The following PRDM2 variants were observed in gnomAD, a reference collection of about 807,000 sequenced individuals.
PRDM2 encodes the protein PR domain zinc finger protein 2.
A neutral mutation model predicts 130.0 loss-of-function variants in PRDM2; 30 were observed. The ratio of observed to expected loss-of-function variants is 0.23; its 90% CI spans 0.17 to 0.31. The LOEUF is 0.31. PRDM2 is among the 10% of genes least tolerant of loss of function. PRDM2 has a pLI of 1.00. For missense variants in PRDM2, 2,011 were observed against 2,108.4 expected (o/e 0.95, Z 0.90); for synonymous variants, 871 against 782.4 (o/e 1.11, Z -1.89).
At chr1:13,772,942 A>G in intron 6 of PRDM2, 136 bp from the exon 7 acceptor site, 1 of 520,408 alleles carries the variant, frequency 1.9e-6, no homozygotes, top group Non-Finnish European at 3.4e-6. Context: ...CCAAAGTGGT[A>G]ATTGCCCAGG....
intron 4 of PRDM2, among the ~76,000 whole-genome samples, chr1:13,737,041 C>T (rs1433607227): frequency 6.6e-6 from 1 of 152,200 alleles, no homozygotes; most frequent in Non-Finnish European, 1.5e-5. Context: ...GTTTTATAGT[C>T]TTCGCTATCT....
chr1:13,817,298 G>A (rs114291635), intron 9 of PRDM2, among the ~76,000 whole-genome samples: 1,779 of 152,282 alleles, frequency 0.012, 31 homozygotes, highest in South Asian at 0.07. Context: ...AAGCATTTCA[G>A]ACAAGGGATA....
intron 6 of PRDM2, among the ~76,000 whole-genome samples, chr1:13,756,907 AGG>A (rs1643969299): frequency 6.6e-6 from 1 of 152,218 alleles, no homozygotes; most frequent in Non-Finnish European, 1.5e-5. Flanking sequence ...TGATGCTCCG[AGG>A]GGTTATGTGC....
At chr1:13,722,123 T>C (rs1356031647) in intron 2 of PRDM2, among the ~76,000 whole-genome samples, 2 of 152,324 alleles carry the variant, frequency 1.3e-5, no homozygotes, top group East Asian at 1.9e-4. Flanking sequence ...ACATCCCTTC[T>C]CTGGGCTATT....
Position 13,782,757 on chromosome 1 carries a change from G to A in PRDM2, c.4962G>A (p.Gln1654=), listed in dbSNP as rs1448428505. 6.2e-7 allele frequency: 1 copy of A among 1,612,152 alleles called. No homozygotes were observed. The highest frequency in any genetic ancestry group is 1.3e-5 in the African/African-American group (1 of 74,676). ...RSGGPVTRSL[Q]LAAAADLSEN... ...GGGGGCCAGTCACCCGGAGCCTTCA[G>A]CTGGCAGCTGCTGCTGACTTGAGTG... The change falls in exon 8 of 10, where the codon CAG becomes CAA. Residue 1654 remains glutamine (Q), a synonymous_variant. Transcript: ENST00000311066.
At chr1:13,762,847 C>A (rs1366205529) in intron 6 of PRDM2, among the ~76,000 whole-genome samples, 2 of 152,122 alleles carry the variant, frequency 1.3e-5, no homozygotes, top group Admixed American at 1.3e-4. Context: ...GATGATGTGT[C>A]GGTCCGTGAG....
intron 2 of PRDM2, among the ~76,000 whole-genome samples, chr1:13,718,923 T>C (rs1642635236): frequency 6.6e-6 from 1 of 152,222 alleles, no homozygotes; most frequent in South Asian, 2.1e-4. Context: ...ATTATCTCAG[T>C]TGTCCCTAAA....
chr1:13,720,616 AAAT>A (rs1263531497), intron 2 of PRDM2, among the ~76,000 whole-genome samples: 3 of 152,172 alleles, frequency 2.0e-5, no homozygotes, highest in African/African-American at 7.2e-5. Flanking sequence ...TACTGGTTGA[AAAT>A]AATAATAATA....
chr1:13,820,315 T>A (rs918474693), intron 9 of PRDM2, among the ~76,000 whole-genome samples: 2 of 152,226 alleles, frequency 1.3e-5, no homozygotes, highest in African/African-American at 4.8e-5. Context: ...GCAGCGAGAA[T>A]GAACACAGAG....
intron 9 of PRDM2, among the ~76,000 whole-genome samples, chr1:13,818,379 C>CTTT (rs70984285): frequency 7.8e-6 from 1 of 128,056 alleles, no homozygotes; most frequent in African/African-American, 2.9e-5. Flanking sequence ...TCTCTCTTTC[C>CTTT]TTTTTTTTTT....
At chr1:13,727,443 C>CG (rs1642958660) in intron 2 of PRDM2, among the ~76,000 whole-genome samples, 1 of 152,116 alleles carries the variant, frequency 6.6e-6, no homozygotes, top group African/African-American at 2.4e-5. Context: ...TAAGTAGAGA[C>CG]GGGGTTTCAC....
Position 13,782,782 on chromosome 1 carries a change from G to A in PRDM2, c.4987G>A (p.Glu1663Lys). 2 of 1,609,224 alleles carry A rather than the reference G, an allele frequency of 1.2e-6. No individual in the cohort carries two copies. The highest frequency in any genetic ancestry group is 3.4e-5 in the Admixed American group (2 of 58,830). Residue 1663 changes from glutamate to lysine, a missense_variant, in exon 8 of 10, where the codon GAG (glutamate) becomes AAG (lysine). Glu to Lys is a moderately conservative substitution (Grantham distance 56). Coordinates refer to ENST00000311066, the MANE Select transcript of PRDM2 (RefSeq NM_001393986.1). ...GCTGGCAGCTGCTGCTGACTTGAGT[G>A]AGAACAAGAGAGAGGACGGCAGCGC... ...LQLAAAADLS[E>K]NKREDGSAKQ...
chr1:13,821,395 A>G (rs1031869231), intron 9 of PRDM2, among the ~76,000 whole-genome samples: 4 of 152,014 alleles, frequency 2.6e-5, no homozygotes, highest in Non-Finnish European at 5.9e-5. Context: ...TGTATCCCTG[A>G]ACTTGGCCCA....
chr1:13,763,820 C>T (rs1357031057), intron 6 of PRDM2, among the ~76,000 whole-genome samples: 1 of 152,150 alleles, frequency 6.6e-6, no homozygotes, highest in Non-Finnish European at 1.5e-5. Flanking sequence ...TCAATACTCT[C>T]TCACTGGGAG....
chr1:13,810,300 G>C (rs578210937), intron 8 of PRDM2, among the ~76,000 whole-genome samples: 1 of 152,090 alleles, frequency 6.6e-6, no homozygotes, highest in Non-Finnish European at 1.5e-5. Flanking sequence ...CTCCTTTCCC[G>C]CTTCCAGGGA....
At chr1:13,746,736 C>T (rs1228748901) in intron 5 of PRDM2, among the ~76,000 whole-genome samples, 1 of 151,782 alleles carries the variant, frequency 6.6e-6, no homozygotes, top group African/African-American at 2.4e-5. Context: ...TTTGTATTTT[C>T]AGTAGAGACA....
At chr1:13,706,358 C>G (rs139542624) in intron 1 of PRDM2, among the ~76,000 whole-genome samples, 2 of 152,290 alleles carry the variant, frequency 1.3e-5, no homozygotes, top group Admixed American at 1.3e-4. Context: ...ATTTTTCTTG[C>G]CAACACTGCC....
intron 2 of PRDM2, among the ~76,000 whole-genome samples, chr1:13,722,471 T>A (rs991422258): frequency 6.6e-6 from 1 of 151,954 alleles, no homozygotes; most frequent in African/African-American, 2.4e-5. Context: ...CCTGTAAGAG[T>A]AAAATGGGGA....
intron 8 of PRDM2, among the ~76,000 whole-genome samples, chr1:13,796,945 T>G (rs1408517751): frequency 6.6e-6 from 1 of 152,218 alleles, no homozygotes; most frequent in Non-Finnish European, 1.5e-5. Context: ...AACAAAAGTT[T>G]GGGTAAAAGT....
Sources: allele counts gnomAD v4.1 joint callset (sites outside exome capture counted in the v4.1 genomes callset), GRCh38; gene constraint gnomAD v4.1.1; transcripts MANE v1.5; gene names NCBI Gene and HGNC (gene_info 2026-07-23, HGNC 2026-07-21).